The following DENND1A variants were observed in gnomAD, a reference collection of about 807,000 sequenced individuals.
DENND1A encodes the protein DENN domain-containing protein 1A.
DENND1A carries 51 observed loss-of-function variants against 113.7 expected under a neutral mutation model. The observed-to-expected ratio is 0.45, with a 90% CI of 0.36 to 0.57. The LOEUF (loss-of-function observed/expected upper bound fraction) is 0.57, where lower values mean the gene tolerates loss of function less well. Ranked by LOEUF, DENND1A falls within the 20% of genes least tolerant of loss-of-function variation. The pLI is 0.00. For missense variants in DENND1A, 1,258 were observed against 1,395.9 expected (o/e 0.90, Z 1.57); for synonymous variants, 565 against 570.8 (o/e 0.99, Z 0.14).
intron 13 of DENND1A, among the ~76,000 whole-genome samples, chr9:123,525,102 G>C (rs1404905192): frequency 6.6e-6 from 1 of 152,198 alleles, no homozygotes; most frequent in Non-Finnish European, 1.5e-5. Flanking sequence ...AGAATGCTGA[G>C]GCTCCGAAAA....
intron 1 of DENND1A, among the ~76,000 whole-genome samples, chr9:123,913,980 G>C (rs576969281): frequency 1.1e-4 from 16 of 151,430 alleles, no homozygotes; most frequent in African/African-American, 3.9e-4. Flanking sequence ...GCAGGCAGCA[G>C]TGCAGACATG....
At chr9:123,802,194 G>A (rs1834787351) in intron 2 of DENND1A, among the ~76,000 whole-genome samples, 1 of 152,088 alleles carries the variant, frequency 6.6e-6, no homozygotes, top group Non-Finnish European at 1.5e-5. Flanking sequence ...CCTTCTTACT[G>A]CAACCGAATG....
chr9:123,488,481 T>G (rs2051078542), intron 13 of DENND1A, among the ~76,000 whole-genome samples: 2 of 152,228 alleles, frequency 1.3e-5, no homozygotes, highest in African/African-American at 4.8e-5. Flanking sequence ...CAGAATTGTT[T>G]GGTCTAAATC....
intron 13 of DENND1A, among the ~76,000 whole-genome samples, chr9:123,477,906 T>C (rs2050043358): frequency 6.6e-6 from 1 of 152,182 alleles, no homozygotes; most frequent in Non-Finnish European, 1.5e-5. Context: ...TATTTGTTGA[T>C]AGAACGTGAA....
intron 13 of DENND1A, among the ~76,000 whole-genome samples, chr9:123,462,902 C>T (rs574651597): frequency 2.0e-5 from 3 of 152,152 alleles, no homozygotes; most frequent in Non-Finnish European, 2.9e-5. Context: ...GTAAACAAAC[C>T]GCTGTCAAGG....
intron 13 of DENND1A, among the ~76,000 whole-genome samples, chr9:123,525,986 G>C (rs1045654591): frequency 1.1e-4 from 16 of 151,986 alleles, no homozygotes; most frequent in African/African-American, 3.4e-4. Context: ...AAACTCCTGG[G>C]CTCAAGTGAT....
intron 13 of DENND1A, among the ~76,000 whole-genome samples, chr9:123,487,494 G>A (rs888653368): frequency 1.3e-5 from 2 of 152,174 alleles, no homozygotes; most frequent in Admixed American, 6.5e-5. Context: ...GCAAAGATAC[G>A]GCAGAACCTG....
chr9:123,845,303 T>C (rs77596016), intron 2 of DENND1A, among the ~76,000 whole-genome samples: 4,022 of 152,124 alleles, frequency 0.026, 80 homozygotes, highest in Non-Finnish European at 0.041. Context: ...GCAGGGGCAA[T>C]TGACTATCTA....
intron 19 of DENND1A, among the ~76,000 whole-genome samples, chr9:123,412,770 G>A (rs1489422446): frequency 2.6e-5 from 4 of 152,190 alleles, no homozygotes; most frequent in South Asian, 2.1e-4. Flanking sequence ...GACCCAGGCC[G>A]CGGACCCACA....
At chr9:123,738,388 A>AT (rs923250037) in intron 5 of DENND1A, among the ~76,000 whole-genome samples, 2 of 151,360 alleles carry the variant, frequency 1.3e-5, no homozygotes, top group Admixed American at 1.3e-4. Flanking sequence ...ATTTTTCCCA[A>AT]TTTAAACTTG....
intron 2 of DENND1A, among the ~76,000 whole-genome samples, chr9:123,862,901 C>G (rs950619190): frequency 6.6e-6 from 1 of 152,140 alleles, no homozygotes; most frequent in African/African-American, 2.4e-5. Flanking sequence ...TGTTTGTGGT[C>G]AACATTAAGA....
intron 5 of DENND1A, among the ~76,000 whole-genome samples, chr9:123,757,356 A>C (rs2070658298): frequency 6.6e-6 from 1 of 152,204 alleles, no homozygotes; most frequent in Non-Finnish European, 1.5e-5. Context: ...TAATAATCTT[A>C]CATACACAAA....
chr9:123,854,850 AG>A (rs1843921931), intron 2 of DENND1A, among the ~76,000 whole-genome samples: 1 of 151,130 alleles, frequency 6.6e-6, no homozygotes, highest in South Asian at 2.1e-4. Context: ...CTACCGAGAT[AG>A]TACCAGACAT....
intron 2 of DENND1A, among the ~76,000 whole-genome samples, chr9:123,866,939 T>C (rs554057154): frequency 3.3e-5 from 5 of 152,336 alleles, no homozygotes; most frequent in African/African-American, 1.2e-4. Flanking sequence ...ATTAAGGACA[T>C]TGTTATAATC....
chr9:123,842,916 A>C (rs768518827), intron 2 of DENND1A: 2 of 279,960 alleles, frequency 7.1e-6, no homozygotes, highest in Admixed American at 5.0e-5. Flanking sequence ...ATTTATCCTA[A>C]GAATGCAAGG....
chr9:123,847,920 C>A (rs528715980), intron 2 of DENND1A, among the ~76,000 whole-genome samples: 6 of 151,678 alleles, frequency 4.0e-5, no homozygotes, highest in Non-Finnish European at 2.9e-5. Context: ...GGCGACAGAG[C>A]GAGACTTCAT....
At chr9:123,594,224 G>T (rs2059588261) in intron 11 of DENND1A, among the ~76,000 whole-genome samples, 2 of 152,176 alleles carry the variant, frequency 1.3e-5, no homozygotes, top group Admixed American at 6.5e-5. Context: ...AGGCCTGTGT[G>T]TATCAGGAAC....
intron 22 of DENND1A, among the ~76,000 whole-genome samples, chr9:123,384,502 C>G (rs1250405211): frequency 2.0e-5 from 3 of 152,218 alleles, no homozygotes; most frequent in Non-Finnish European, 4.4e-5. Flanking sequence ...CTCAGGTGCT[C>G]AGGTGGTGGT....
At chr9:123,524,402 G>T (rs2054639116) in intron 13 of DENND1A, among the ~76,000 whole-genome samples, 1 of 152,254 alleles carries the variant, frequency 6.6e-6, no homozygotes, top group Admixed American at 6.5e-5. Flanking sequence ...GATCTAGAAA[G>T]AAAGGCTGCA....
Sources: gnomAD v4.1 joint callset for allele counts (sites outside exome capture counted in the v4.1 genomes callset) on GRCh38, gnomAD v4.1.1 for gene constraint, MANE v1.5 for transcripts, NCBI Gene and HGNC (gene_info 2026-07-23, HGNC 2026-07-21) for gene names.